Variants in EVL observed in about 807,000 individuals in gnomAD.
The protein encoded by EVL is ena/VASP-like protein.
In EVL, 21 loss-of-function variants were observed where a neutral mutation model predicts 59.6. The observed-to-expected ratio is 0.35, with a 90% CI of 0.25 to 0.51. The LOEUF is 0.51. EVL is among the 20% of genes least tolerant of loss of function. The pLI, the probability that EVL is intolerant of heterozygous loss-of-function variation, is 0.97. For missense variants in EVL, 462 were observed against 546.6 expected, an observed-to-expected ratio of 0.85 and a Z score of 1.54; for synonymous variants, 198 against 203.5, an observed-to-expected ratio of 0.97 and a Z score of 0.23.
intron 2 of EVL, among the ~76,000 whole-genome samples, chr14:100,090,323 G>A (rs73349506): frequency 0.014 from 2,109 of 152,168 alleles, 39 homozygotes; most frequent in African/African-American, 0.035. Context: ...ACCTTGTGCC[G>A]GTAAACTTGA....
chr14:100,084,498 A>G (rs904382415), intron 1 of EVL, among the ~76,000 whole-genome samples, 189 bp from the exon 2 acceptor site: 3 of 151,894 alleles, frequency 2.0e-5, no homozygotes, highest in Non-Finnish European at 4.4e-5. Context: ...CCTCCTCTCC[A>G]CTCTGCAAGC....
At chr14:100,094,318 G>A (rs1885653054) in intron 2 of EVL, among the ~76,000 whole-genome samples, 1 of 152,058 alleles carries the variant, frequency 6.6e-6, no homozygotes, top group African/African-American at 2.4e-5. Flanking sequence ...TCCATATTCT[G>A]GATTAGGCGT....
intron 4 of EVL, 86 bp downstream of exon 4, chr14:100,123,688 C>A: frequency 7.1e-7 from 1 of 1,413,322 alleles, no homozygotes; most frequent in Non-Finnish European, 9.9e-7. Flanking sequence ...GAGGATGCAC[C>A]AGCAGCCAAG....
At chr14:100,000,408 C>T (rs1177728564) in intron 1 of EVL, among the ~76,000 whole-genome samples, 3 of 136,504 alleles carry the variant, frequency 2.2e-5, no homozygotes, top group Non-Finnish European at 4.5e-5. Context: ...AGTGCAGTGG[C>T]GCGATCTCTG....
Position 100,019,171 on chromosome 14 carries a change from G to T in EVL, c.5+47114G>T, listed in dbSNP as rs141545323. Among the ~76,000 whole-genome samples, 35 of 152,342 alleles carry T rather than the reference G, an allele frequency of 2.3e-4. No individual in the cohort carries two copies. In the East Asian group the frequency reaches 6.7e-3, roughly 29 times the overall value. ...TTCAGTACTTACGTTCACATATAAT[G>T]TTGGTCATGCCTGAGCTTATAGCAG... On this transcript the variant is annotated intron_variant, in intron 1 of 13. Coordinates refer to the EVL transcript ENST00000402714.
At chr14:100,082,931 C>T (rs2062344176) in intron 1 of EVL, among the ~76,000 whole-genome samples, 1 of 152,214 alleles carries the variant, frequency 6.6e-6, no homozygotes, top group Non-Finnish European at 1.5e-5. Flanking sequence ...GCAGCATGGC[C>T]TCTGTGCACC....
Position 100,130,780 on chromosome 14 carries a change from G to A in EVL, c.839+1096G>A, listed in dbSNP as rs1888384703. ...GCATCACAGATGGCAGGGAGGGGAG[G>A]CTCCCCGTGTGTCAGGGAGCAGCAA... On this transcript the variant is annotated intron_variant, in intron 7 of 13. Coordinates refer to ENST00000392920, the MANE Select transcript of EVL (RefSeq NM_016337.3). This position sits in a 1 kb window ranked among gnomAD's most constrained non-coding sequence, Gnocchi z 4.8. Among the ~76,000 whole-genome samples the A allele has an allele frequency of 6.6e-6, 1 of 152,252 alleles. No homozygotes were observed. Among genetic ancestry groups the A allele is most frequent in the Non-Finnish European group, 1.5e-5 (1 of 68,046 alleles).
Position 100,027,447 on chromosome 14 carries a change from A to G in EVL, c.5+55390A>G, listed in dbSNP as rs113146328. ...TCTGATAACCATCATTCTACTCTCTATCTCCATGACTTCAATTTTTTTTTA... is the reference window on the plus strand; with the variant it reads ...TCTGATAACCATCATTCTACTCTCTGTCTCCATGACTTCAATTTTTTTTTA... On this transcript the variant is annotated intron_variant, in intron 1 of 13. Transcript: ENST00000402714. Among the ~76,000 whole-genome samples the G allele has an allele frequency of 7.2e-5, 11 of 151,864 alleles. 1 individual carries two copies. Among genetic ancestry groups the G allele is most frequent in the African/African-American group, 2.7e-4 (11 of 41,382 alleles).
At chr14:100,028,968 C>T (rs1468674775) in intron 1 of EVL, among the ~76,000 whole-genome samples, 1 of 152,070 alleles carries the variant, frequency 6.6e-6, no homozygotes, top group Non-Finnish European at 1.5e-5. Context: ...GCCTTAGTTA[C>T]CTCACATATA....
intron 1 of EVL, among the ~76,000 whole-genome samples, chr14:100,020,335 A>G (rs2061099521): frequency 6.6e-6 from 1 of 152,146 alleles, no homozygotes; most frequent in Non-Finnish European, 1.5e-5. Flanking sequence ...CTATCCCTGT[A>G]TATAAATGTG....
At chr14:100,001,065 A>G (rs1484300894) in intron 1 of EVL, among the ~76,000 whole-genome samples, 1 of 152,184 alleles carries the variant, frequency 6.6e-6, no homozygotes, top group African/African-American at 2.4e-5. Flanking sequence ...GGAGAAAAAC[A>G]ACAACAAACA....
At chr14:100,021,458 A>G (rs1449367624) in intron 1 of EVL, among the ~76,000 whole-genome samples, 2 of 152,168 alleles carry the variant, frequency 1.3e-5, no homozygotes, top group East Asian at 3.9e-4. Context: ...TGACTGCTGC[A>G]TGGTGTCAGA....
intron 1 of EVL, among the ~76,000 whole-genome samples, chr14:99,984,905 T>G (rs1263300927): frequency 1.3e-5 from 2 of 152,172 alleles, no homozygotes; most frequent in Non-Finnish European, 2.9e-5. Context: ...CATAAGCCAC[T>G]GTGCCCAGCT....
At chr14:100,022,136 C>A in intron 1 of EVL, among the ~76,000 whole-genome samples, 1 of 151,902 alleles carries the variant, frequency 6.6e-6, no homozygotes, top group South Asian at 2.1e-4. Flanking sequence ...GCAGTTCTTC[C>A]TACATGAATA....
At chr14:100,024,075 A>G (rs1023263008) in intron 1 of EVL, among the ~76,000 whole-genome samples, 3 of 152,228 alleles carry the variant, frequency 2.0e-5, no homozygotes, top group Non-Finnish European at 4.4e-5. Context: ...AATGTAGTGT[A>G]CCAAGATCTG....
chr14:100,141,757 A>G lies in EVL; in HGVS notation c.1183A>G (p.Arg395Gly). Reference sequence around the variant, plus strand: ...ACAGGAGATCCTAGAGGAGGTGGTGAGAGAGCTCCACAAGGTGAAGGAGGA... The same window carrying G: ...ACAGGAGATCCTAGAGGAGGTGGTGGGAGAGCTCCACAAGGTGAAGGAGGA... ...MKQEILEEVV[R>G]ELHKVKEEII... The change falls in exon 13 of 14, where the codon AGA becomes GGA. Residue 395 changes from arginine (R) to glycine (G), a missense_variant. Coordinates refer to ENST00000392920, the MANE Select transcript of EVL (RefSeq NM_016337.3). 1.2e-6 allele frequency: 2 copies of G among 1,613,536 alleles called. No individual in the cohort carries two copies. Among genetic ancestry groups the G allele is most frequent in the South Asian group, 1.1e-5 (1 of 91,072 alleles).
intron 1 of EVL, among the ~76,000 whole-genome samples, chr14:100,024,058 C>T (rs879769734): frequency 5.3e-5 from 8 of 152,116 alleles, no homozygotes; most frequent in Non-Finnish European, 7.4e-5. Context: ...GATTTATTTC[C>T]GGGAGGAATG....
intron 1 of EVL, among the ~76,000 whole-genome samples, chr14:99,982,038 C>T (rs1298103230): frequency 3.9e-5 from 6 of 152,004 alleles, no homozygotes; most frequent in Non-Finnish European, 5.9e-5. Context: ...GAAGAGTGGC[C>T]GGTCCCTTCA....
chr14:100,040,332 G>A (rs1375142515), intron 1 of EVL, among the ~76,000 whole-genome samples: 3 of 151,560 alleles, frequency 2.0e-5, no homozygotes, highest in Non-Finnish European at 2.9e-5. Context: ...TCTTCCCCTC[G>A]CCCTGTATCC....
Sources: gnomAD v4.1 joint callset for allele counts (sites outside exome capture counted in the v4.1 genomes callset) on GRCh38, gnomAD v4.1.1 for gene constraint, Gnocchi (gnomAD v3.1) non-coding constraint, MANE v1.5 for transcripts, NCBI Gene and HGNC (gene_info 2026-07-23, HGNC 2026-07-21) for gene names.